LLGL1: variants seen among roughly 807,000 people sequenced by gnomAD.
LLGL1 encodes lethal(2) giant larvae protein homolog 1.
In LLGL1, 58 loss-of-function variants were observed where a neutral mutation model predicts 110.6. That is an observed-to-expected ratio of 0.52 (90% CI 0.42 to 0.65). The LOEUF (loss-of-function observed/expected upper bound fraction) is 0.65, where lower values mean the gene tolerates loss of function less well. Ranked by LOEUF, LLGL1 falls within the 30% of genes least tolerant of loss-of-function variation. The pLI, the probability that LLGL1 is intolerant of heterozygous loss-of-function variation, is 0.00. For missense variants in LLGL1, 1,229 were observed against 1,462.1 expected (o/e 0.84, Z 2.60); for synonymous variants, 674 against 607.2 (o/e 1.11, Z -1.62).
chr17:18,238,490 C>A lies in LLGL1; in HGVS notation c.2087C>A (p.Ala696Asp), dbSNP rs751277985. Residue 696 changes from alanine to aspartate, a missense_variant, in exon 16 of 23, where the codon GCC becomes GAC. Physicochemically the swap from Ala to Asp is moderately radical, Grantham distance 126. Transcript: ENST00000316843. ...GCCAATGCACAGCTGGCTGAGCAGG[C>A]CTGCCCCCACGACGTGGAGATGACG... is the stretch of plus-strand genomic sequence containing the variant. The part of the protein sequence containing the change: ...QEANAQLAEQ[A>D]CPHDVEMTPV... 1.9e-6 allele frequency: 3 copies of A among 1,612,078 alleles called. No homozygotes were observed. Among genetic ancestry groups the A allele is most frequent in the Non-Finnish European group, 2.5e-6 (3 of 1,179,824 alleles).
At chr17:18,233,308 C>G (rs964679167) in intron 4 of LLGL1, among the ~76,000 whole-genome samples, 4 of 152,190 alleles carry the variant, frequency 2.6e-5, no homozygotes, top group Admixed American at 2.0e-4. Context: ...TGGGGCATCT[C>G]TCTCCCCAGC....
intron 4 of LLGL1, 53 bp from the exon 5 acceptor site, chr17:18,233,725 C>T (rs1244470211): frequency 9.6e-6 from 15 of 1,562,536 alleles, no homozygotes; most frequent in Admixed American, 1.8e-5. Flanking sequence ...CACACCCCAC[C>T]TGAGCAGGTG....
chr17:18,226,343 C>G (rs2047442496), intron 1 of LLGL1, among the ~76,000 whole-genome samples: 1 of 152,198 alleles, frequency 6.6e-6, no homozygotes, highest in Non-Finnish European at 1.5e-5. Context: ...CATTGCGTCC[C>G]TGCTCGGCCC....
intron 15 of LLGL1, 97 bp downstream of exon 15, chr17:18,238,311 C>T: frequency 6.3e-7 from 1 of 1,581,006 alleles, no homozygotes; most frequent in Non-Finnish European, 8.6e-7. Context: ...CTCAGTGCTC[C>T]TCCCTCGGCA....
At chr17:18,229,901 C>T in intron 1 of LLGL1, 40 bp from the exon 2 acceptor site, 1 of 1,471,074 alleles carries the variant, frequency 6.8e-7, no homozygotes, top group Non-Finnish European at 9.3e-7. Context: ...GCAGAGGTGC[C>T]TGGGAGTGCT....
chr17:18,240,605 C>T lies in LLGL1; in HGVS notation c.2234C>T (p.Ala745Val), dbSNP rs772847310. 1.9e-6 allele frequency: 3 copies of T among 1,604,082 alleles called. No homozygotes were observed. The highest frequency in any genetic ancestry group is 2.6e-6 in the Non-Finnish European group (3 of 1,173,258). The change falls in exon 17 of 23, where the codon GCT becomes GTT. Residue 745 changes from alanine (A) to valine (V), a missense_variant. Coordinates refer to ENST00000316843, the MANE Select transcript of LLGL1 (RefSeq NM_004140.4). This position sits in a 1 kb window ranked among gnomAD's most constrained non-coding sequence, Gnocchi z 5.3. ...DGAHHGPTMW[A>V]GTNSGSVFAY... ...GCCCACCACGGGCCCACCATGTGGGCTGGCACCAACTCAGGCTCTGTGTTC... is the reference window on the plus strand; with the variant it reads ...GCCCACCACGGGCCCACCATGTGGGTTGGCACCAACTCAGGCTCTGTGTTC...
At chr17:18,243,403 G>C (rs933264899) in intron 22 of LLGL1, among the ~76,000 whole-genome samples, 1 of 152,208 alleles carries the variant, frequency 6.6e-6, no homozygotes, top group Admixed American at 6.5e-5. Flanking sequence ...CACCGCACCC[G>C]GCCAACAAGA....
intron 16 of LLGL1, among the ~76,000 whole-genome samples, chr17:18,239,598 A>T (rs150689882): frequency 6.6e-6 from 1 of 152,218 alleles, no homozygotes; most frequent in East Asian, 1.9e-4. Context: ...CACTGCTCAC[A>T]TCATGCCCTG....
Position 18,240,729 on chromosome 17 carries a change from C to A in LLGL1, c.2358C>A (p.His786Gln), listed in dbSNP as rs776086566. The change falls in exon 17 of 23, where the codon CAC (histidine) becomes CAA (glutamine). Residue 786 changes from histidine (H) to glutamine (Q), a missense_variant. By Grantham distance (24) the His-to-Gln change is conservative (BLOSUM62 0). Coordinates refer to ENST00000316843, the MANE Select transcript of LLGL1 (RefSeq NM_004140.4). The surrounding 1 kb of genome is among the most constrained non-coding windows in gnomAD (Gnocchi z 5.3). ...TGGGCAAGGAGGTGCAGCTGATGCA[C>A]CGGGCGCCTGTGGTGGCCATTGCCG... is the stretch of plus-strand genomic sequence containing the variant. Reference protein sequence around the residue: ...AVLGKEVQLMHRAPVVAIAVL... With the variant: ...AVLGKEVQLMQRAPVVAIAVL... The A allele has an allele frequency of 1.2e-6, 2 of 1,612,410 alleles. No homozygotes were observed. The highest frequency in any genetic ancestry group is 1.3e-5 in the African/African-American group (1 of 74,896).
At chr17:18,226,434 T>TG (rs2047445278) in intron 1 of LLGL1, among the ~76,000 whole-genome samples, 6 of 152,156 alleles carry the variant, frequency 3.9e-5, no homozygotes, top group Admixed American at 3.3e-4. Context: ...GAGGCAGCTG[T>TG]GGGGGGTGCG....
In LLGL1 at chr17:18,238,533, T is replaced by C. The variant is rs202033397; in HGVS notation, c.2130T>C (p.Ile710=). ...DVEMTPVQRR[I]EPRSADDSLS... ...AGATGACGCCCGTGCAGCGCCGCATTGAGCCCCGCTCTGCCGATGACTCCT... is the reference window on the plus strand; with the variant it reads ...AGATGACGCCCGTGCAGCGCCGCATCGAGCCCCGCTCTGCCGATGACTCCT... The change falls in exon 16 of 23, where the codon ATT becomes ATC. Residue 710 remains isoleucine, a synonymous_variant. Transcript: ENST00000316843. 6.2e-7 allele frequency: 1 copy of C among 1,612,952 alleles called. No homozygotes were observed. Among genetic ancestry groups the C allele is most frequent in the East Asian group, 2.2e-5 (1 of 44,882 alleles).
chr17:18,235,337 T>C (rs1252526257), intron 10 of LLGL1, 25 bp downstream of exon 10: 1 of 1,608,288 alleles, frequency 6.2e-7, no homozygotes, highest in South Asian at 1.1e-5. Flanking sequence ...CAGGGGGGTC[T>C]TACAGGGTGG....
At chr17:18,225,889 C>T in intron 1 of LLGL1, 126 bp downstream of exon 1, 2 of 236,310 alleles carry the variant, frequency 8.5e-6, no homozygotes, top group Non-Finnish European at 1.4e-5. Context: ...CGGCGCGGGG[C>T]GGGGCCGGGC....
Position 18,244,608 on chromosome 17 carries a change from C to G in LLGL1, c.*702C>G, listed in dbSNP as rs2047942019. On this transcript the variant is annotated 3_prime_UTR_variant, in exon 23 of 23. Coordinates refer to ENST00000316843, the MANE Select transcript of LLGL1 (RefSeq NM_004140.4). Reference sequence around the variant, plus strand: ...TTTCTAAAACTAAACTATTTTGGTACCTGCTTCTGGGCCAGTCCCCAGCCT... The same window carrying G: ...TTTCTAAAACTAAACTATTTTGGTAGCTGCTTCTGGGCCAGTCCCCAGCCT... 6.6e-6 allele frequency: 1 copy of G among 152,586 alleles called. No homozygotes were observed. The highest frequency in any genetic ancestry group is 2.4e-5 in the African/African-American group (1 of 41,308). The allele number at this position is 152,586 out of a possible 1,614,324, so 9.5% of individuals were successfully genotyped here.
rs572737179 is a variant in LLGL1 at position 18,236,739 on chromosome 17, C to T, written c.1485C>T (p.Asp495=). Reference sequence around the variant, plus strand: ...ACAGCCTGGCCCAGGCTGCCGAGGACGACTGGCCACCCTTCCGCAAGGTGG... The same window carrying T: ...ACAGCCTGGCCCAGGCTGCCGAGGATGACTGGCCACCCTTCCGCAAGGTGG... ...HADSLAQAAE[D]DWPPFRKVGC... The change falls in exon 12 of 23, where the codon GAC becomes GAT. Residue 495 remains aspartate (D), a synonymous_variant. Coordinates refer to ENST00000316843, the MANE Select transcript of LLGL1 (RefSeq NM_004140.4). 4.9e-5 allele frequency: 79 copies of T among 1,612,410 alleles called. No individual in the cohort carries two copies. The South Asian group carries it at 5.8e-4, about 12-fold the overall frequency.
intron 2 of LLGL1, among the ~76,000 whole-genome samples, chr17:18,232,095 G>T (rs997289709): frequency 1.3e-5 from 2 of 152,254 alleles, no homozygotes; most frequent in African/African-American, 4.8e-5. Flanking sequence ...CCGGCAAGGC[G>T]CAGCTCCCAG....
In LLGL1 at chr17:18,241,892, C is replaced by T. The variant is rs2142720691; in HGVS notation, c.2775C>T (p.Tyr925=). 1 of 1,613,450 alleles carries T rather than the reference C, an allele frequency of 6.2e-7. No homozygotes were observed. The highest frequency in any genetic ancestry group is 8.5e-7 in the Non-Finnish European group (1 of 1,179,360). ...CVFTRHGQGF[Y]LISPSEFERF... ...ATTCTTCTGCCCACCCAGGCTTTTA[C>T]CTGATATCCCCATCAGAATTTGAAC... is the stretch of plus-strand genomic sequence containing the variant. Residue 925 remains tyrosine, a synonymous_variant, in exon 19 of 23, where the codon TAC becomes TAT. Transcript: ENST00000316843.
At chr17:18,232,112 T>C (rs1176380817) in intron 2 of LLGL1, among the ~76,000 whole-genome samples, 1 of 152,218 alleles carries the variant, frequency 6.6e-6, no homozygotes, top group African/African-American at 2.4e-5. Flanking sequence ...CCAGAACCCA[T>C]AGACACACGG....
chr17:18,229,125 G>T (rs1360989079), intron 1 of LLGL1, among the ~76,000 whole-genome samples: 1 of 152,168 alleles, frequency 6.6e-6, no homozygotes, highest in Non-Finnish European at 1.5e-5. Context: ...TCAGGATGGG[G>T]CTGGAGCTCA....
Sources: allele counts gnomAD v4.1 joint callset (sites outside exome capture counted in the v4.1 genomes callset), GRCh38; gene constraint gnomAD v4.1.1; non-coding constraint Gnocchi (gnomAD v3.1); transcripts MANE v1.5; gene names NCBI Gene and HGNC (gene_info 2026-07-23, HGNC 2026-07-21).